Variants in SSPN observed in about 807,000 individuals in gnomAD.
SSPN encodes the protein sarcospan.
Under a neutral mutation model 19.1 loss-of-function variants are expected in SSPN, and 15 were observed. The observed-to-expected ratio is 0.78, with a 90% CI of 0.52 to 1.21. The LOEUF (loss-of-function observed/expected upper bound fraction) is 1.21. Ranked by LOEUF, SSPN falls within the 50% of genes most tolerant of loss-of-function variation. SSPN has a pLI of 0.00. For synonymous variants in SSPN, 147 were observed against 140.3 expected, an observed-to-expected ratio of 1.05 and a Z score of -0.34; for missense variants, 291 against 314.0, an observed-to-expected ratio of 0.93 and a Z score of 0.55.
chr12:26,146,974 G>GTTTAT (rs1944495829), intron 1 of SSPN, among the ~76,000 whole-genome samples: 1 of 152,122 alleles, frequency 6.6e-6, no homozygotes. Flanking sequence ...AAGCTTCAAT[G>GTTTAT]TGCAGTGCAA....
chr12:26,168,695 C>T (rs1365926662), intron 1 of SSPN, among the ~76,000 whole-genome samples: 2 of 152,086 alleles, frequency 1.3e-5, no homozygotes, highest in South Asian at 2.1e-4. Flanking sequence ...AATGCCACCA[C>T]GGTTGTGATT....
chr12:26,195,832 C>CTGCTTTT lies in SSPN; in HGVS notation c.164_165insTTTTGCT (p.Leu56PhefsTer59). On this transcript the variant is annotated frameshift_variant, in exon 1 of 3. Coordinates refer to ENST00000242729, the MANE Select transcript of SSPN (RefSeq NM_005086.5). LOFTEE classifies it high-confidence loss of function. Reference sequence around the variant, plus strand: ...GACCTGCTGCGGCTGCCGGTTCCCGCTGCTGCTCGCCCTGCTGCAGCTGGC... The same window carrying CTGCTTTT: ...GACCTGCTGCGGCTGCCGGTTCCCGCTGCTTTTTGCTGCTCGCCCTGCTGCAGCTGGC... 6.5e-6 allele frequency: 10 copies of CTGCTTTT among 1,539,384 alleles called. No individual in the cohort carries two copies. Among genetic ancestry groups the CTGCTTTT allele is most frequent in the Non-Finnish European group, 7.8e-6 (9 of 1,146,580 alleles).
At chr12:26,193,056 C>T (rs755373715), upstream of SSPN, among the ~76,000 whole-genome samples, 31 of 152,114 alleles carry the variant, frequency 2.0e-4, no homozygotes, top group Non-Finnish European at 4.0e-4. Context: ...ATAATGGTCT[C>T]CACTGACTAT....
intron 1 of SSPN, among the ~76,000 whole-genome samples, chr12:26,126,242 G>A (rs1944363755): frequency 6.6e-6 from 1 of 152,182 alleles, no homozygotes; most frequent in African/African-American, 2.4e-5. Context: ...GGTGCCCGGG[G>A]ATGCGCACTG....
At chr12:26,124,358 G>A (rs1944343572) in intron 1 of SSPN, among the ~76,000 whole-genome samples, 1 of 143,428 alleles carries the variant, frequency 7.0e-6, no homozygotes, top group South Asian at 2.1e-4. Flanking sequence ...CAGGTATGAT[G>A]TTTAATATCC....
At chr12:26,156,782 A>G (rs2137420453) in intron 1 of SSPN, among the ~76,000 whole-genome samples, 1 of 152,342 alleles carries the variant, frequency 6.6e-6, no homozygotes, top group African/African-American at 2.4e-5. Flanking sequence ...CGGTTGCTGT[A>G]GAGGACACAG....
intron 1 of SSPN, among the ~76,000 whole-genome samples, chr12:26,164,174 T>A (rs1186086417): frequency 6.6e-6 from 1 of 152,218 alleles, no homozygotes; most frequent in Non-Finnish European, 1.5e-5. Context: ...AAAGAATTGA[T>A]CATTCTCGAG....
intron 1 of SSPN, among the ~76,000 whole-genome samples, chr12:26,212,629 G>A (rs995324318): frequency 5.9e-5 from 9 of 151,736 alleles, no homozygotes; most frequent in African/African-American, 1.5e-4. Flanking sequence ...GCTTTTCATC[G>A]GCAACTTTTA....
intron 1 of SSPN, among the ~76,000 whole-genome samples, chr12:26,145,526 G>T (rs139869360): frequency 1.8e-4 from 27 of 152,304 alleles, no homozygotes; most frequent in Non-Finnish European, 3.5e-4. Flanking sequence ...CATTAGCATT[G>T]GTACCCTGTT....
At chr12:26,210,689 C>G (rs1944976169) in intron 1 of SSPN, among the ~76,000 whole-genome samples, 1 of 152,090 alleles carries the variant, frequency 6.6e-6, no homozygotes, top group Non-Finnish European at 1.5e-5. Context: ...TGAGACAGAA[C>G]AATTTTCTTG....
At chr12:26,160,775 A>G (rs1444097920) in intron 1 of SSPN, among the ~76,000 whole-genome samples, 1 of 152,088 alleles carries the variant, frequency 6.6e-6, no homozygotes, top group Non-Finnish European at 1.5e-5. Context: ...TTCCTTCTTC[A>G]GCCTATTCCT....
intron 1 of SSPN, chr12:26,123,893 A>G (rs923740062): frequency 1.3e-6 from 1 of 755,274 alleles, no homozygotes; most frequent in Non-Finnish European, 2.3e-6. Context: ...ACAGGTTATA[A>G]ATGATTTCTT....
At chr12:26,224,451 T>A (rs1329308711) in intron 2 of SSPN, 72 bp downstream of exon 2, 20 of 1,294,196 alleles carry the variant, frequency 1.5e-5, no homozygotes, top group Non-Finnish European at 2.1e-5. Context: ...AAGGAGTGCC[T>A]TCTTAAGGGG....
At chr12:26,144,086 G>C (rs573336497) in intron 1 of SSPN, among the ~76,000 whole-genome samples, 6 of 152,268 alleles carry the variant, frequency 3.9e-5, no homozygotes, top group African/African-American at 1.2e-4. Context: ...TAGAAATAAA[G>C]TACACAATAA....
chr12:26,226,124 C>G (rs886367627), intron 2 of SSPN, among the ~76,000 whole-genome samples: 2 of 152,148 alleles, frequency 1.3e-5, no homozygotes, highest in African/African-American at 4.8e-5. Flanking sequence ...TTCTCCTGAA[C>G]GTGACCTTTC....
At chr12:26,122,139 C>T in exon 1 of SSPN, 1 of 1,548,726 alleles carries the variant, frequency 6.5e-7, no homozygotes, top group Non-Finnish European at 8.7e-7. Flanking sequence ...CTCGCGGGGC[C>T]CGGCGAAGGG....
Position 26,206,980 on chromosome 12 carries a change from G to A in SSPN, c.279+11029G>A, listed in dbSNP as rs1051934843. ...CTTAGTCTCTGGGTGAGGAAACACA[G>A]GTACAACTAACTGCAATTTAGTTTT... is the stretch of plus-strand genomic sequence containing the variant. On this transcript the variant is annotated intron_variant, in intron 1 of 2. Transcript: ENST00000242729. 2.6e-5 allele frequency among the ~76,000 whole-genome samples: 4 copies of A among 152,172 alleles called. No homozygotes were observed. In the East Asian group the frequency reaches 7.7e-4, roughly 29 times the overall value.
chr12:26,197,616 T>C (rs1944841364), intron 1 of SSPN, among the ~76,000 whole-genome samples: 1 of 152,186 alleles, frequency 6.6e-6, no homozygotes, highest in Non-Finnish European at 1.5e-5. Context: ...AAAAAACTTA[T>C]TTTAGGGTTT....
At chr12:26,157,790 TAA>T (rs1351775343) in intron 1 of SSPN, among the ~76,000 whole-genome samples, 1 of 152,208 alleles carries the variant, frequency 6.6e-6, no homozygotes, top group Admixed American at 6.5e-5. Context: ...ATGGCAACCC[TAA>T]ACTATGGGAC....
Sources: gnomAD v4.1 joint callset for allele counts (sites outside exome capture counted in the v4.1 genomes callset) on GRCh38, gnomAD v4.1.1 for gene constraint, MANE v1.5 for transcripts, NCBI Gene and HGNC (gene_info 2026-07-23, HGNC 2026-07-21) for gene names.